EEPD1: variants seen among roughly 807,000 people sequenced by gnomAD.
EEPD1 encodes the protein endonuclease/exonuclease/phosphatase family domain containing 1, also known as endonuclease/exonuclease/phosphatase family domain-containing protein 1.
Under a neutral mutation model 46.3 loss-of-function variants are expected in EEPD1, and 17 were observed. That is an observed-to-expected ratio of 0.37 (90% CI 0.25 to 0.55). The LOEUF (loss-of-function observed/expected upper bound fraction) is 0.55. Among genes scored for constraint, EEPD1 ranks in the 20% least tolerant of loss-of-function variants. EEPD1 has a pLI of 0.83. For missense variants in EEPD1, 673 were observed against 745.6 expected (o/e 0.90, Z 1.13); for synonymous variants, 313 against 315.6 (o/e 0.99, Z 0.09).
At chr7:36,199,991 A>G (rs1333819108) in intron 2 of EEPD1, among the ~76,000 whole-genome samples, 2 of 152,082 alleles carry the variant, frequency 1.3e-5, no homozygotes, top group African/African-American at 4.8e-5. Flanking sequence ...CTTTTATTTT[A>G]GGTTCAGGGG....
At chr7:36,231,877 A>G (rs1786337420) in intron 2 of EEPD1, among the ~76,000 whole-genome samples, 1 of 152,210 alleles carries the variant, frequency 6.6e-6, no homozygotes. Context: ...ATGCTAGAAG[A>G]ATCTGATATC....
At chr7:36,199,010 A>C (rs1785663330) in intron 2 of EEPD1, among the ~76,000 whole-genome samples, 1 of 151,964 alleles carries the variant, frequency 6.6e-6, no homozygotes, top group Non-Finnish European at 1.5e-5. Flanking sequence ...TCTCTAAGGC[A>C]GAGCACCCTA....
intron 2 of EEPD1, among the ~76,000 whole-genome samples, chr7:36,215,098 G>A (rs1786006651): frequency 6.6e-6 from 1 of 152,184 alleles, no homozygotes; most frequent in Middle Eastern, 3.2e-3. Flanking sequence ...AGGGTTTCAT[G>A]CATAGCAGCT....
chr7:36,280,130 C>T (rs1787237267), intron 3 of EEPD1, among the ~76,000 whole-genome samples: 1 of 152,128 alleles, frequency 6.6e-6, no homozygotes, highest in Non-Finnish European at 1.5e-5. Flanking sequence ...AATGTGTTCC[C>T]TTTGGGACCT....
intron 2 of EEPD1, among the ~76,000 whole-genome samples, chr7:36,223,627 T>C (rs2726117): frequency 0.98 from 149,288 of 152,322 alleles, 73,233 homozygotes; most frequent in East Asian, 1. Context: ...TTAAATTATA[T>C]AAGCTTGGCC....
At chr7:36,272,815 C>T (rs79508737) in intron 3 of EEPD1, among the ~76,000 whole-genome samples, 2 of 152,136 alleles carry the variant, frequency 1.3e-5, no homozygotes, top group East Asian at 1.9e-4. Context: ...GAAGAGCCAC[C>T]CTTCAAGTGG....
chr7:36,235,527 T>G (rs757505130), intron 2 of EEPD1, among the ~76,000 whole-genome samples: 4 of 152,258 alleles, frequency 2.6e-5, no homozygotes, highest in Non-Finnish European at 5.9e-5. Context: ...GGCTCCCCTC[T>G]GCATCTCTGT....
At chr7:36,243,767 AATC>A (rs1258728880) in intron 3 of EEPD1, among the ~76,000 whole-genome samples, 1 of 152,260 alleles carries the variant, frequency 6.6e-6, no homozygotes, top group East Asian at 1.9e-4. Flanking sequence ...TGAAATTGGA[AATC>A]ATCATTCTCA....
chr7:36,272,939 C>G (rs904875112), intron 3 of EEPD1, among the ~76,000 whole-genome samples: 7 of 152,218 alleles, frequency 4.6e-5, no homozygotes, highest in Non-Finnish European at 1.0e-4. Flanking sequence ...GCATGTGGCA[C>G]GGAGTGGGCA....
In EEPD1 at chr7:36,154,230, T is replaced by G; in HGVS notation, c.-95T>G. 2 of 1,434,426 alleles carry G rather than the reference T, an allele frequency of 1.4e-6. No homozygotes were observed. Among genetic ancestry groups the G allele is most frequent in the Non-Finnish European group, 9.2e-7 (1 of 1,088,800 alleles). 88.9% of individuals were successfully genotyped at this position (1,434,426 alleles called of 1,614,324 possible). On this transcript the variant is annotated 5_prime_UTR_variant, in exon 2 of 8. Coordinates refer to ENST00000242108, the MANE Select transcript of EEPD1 (RefSeq NM_030636.3). The surrounding 1 kb of genome is among the most constrained non-coding windows in gnomAD (Gnocchi z 4.2). ...AGTCCCTGAATCCTGCACCTTCCGTTTTTCTGTGCTTGTACGGCCTACTGG... is the reference window on the plus strand; with the variant it reads ...AGTCCCTGAATCCTGCACCTTCCGTGTTTCTGTGCTTGTACGGCCTACTGG...
intron 2 of EEPD1, among the ~76,000 whole-genome samples, chr7:36,194,767 G>A (rs1343810701): frequency 6.6e-6 from 1 of 152,058 alleles, no homozygotes. Context: ...TTCTTCATTG[G>A]GCCTCCACAT....
chr7:36,195,590 G>A (rs908163829), intron 2 of EEPD1, among the ~76,000 whole-genome samples: 3 of 152,192 alleles, frequency 2.0e-5, no homozygotes, highest in Non-Finnish European at 2.9e-5. Flanking sequence ...AAGAGTTGGG[G>A]TGGGGGCTAG....
chr7:36,186,038 A>G (rs1287650418), intron 2 of EEPD1, among the ~76,000 whole-genome samples: 1 of 152,076 alleles, frequency 6.6e-6, no homozygotes, highest in Non-Finnish European at 1.5e-5. Flanking sequence ...TCTGGAACTT[A>G]TATTTCTTTC....
At chr7:36,285,366 G>A (rs1418421495) in intron 5 of EEPD1, among the ~76,000 whole-genome samples, 2 of 152,286 alleles carry the variant, frequency 1.3e-5, no homozygotes, top group South Asian at 2.1e-4. Context: ...CTCTCAAGGG[G>A]TGGTTTGGGT....
Position 36,163,259 on chromosome 7 carries a change from G to GT in EEPD1, c.878+8068dup, listed in dbSNP as rs529684202. Among the ~76,000 whole-genome samples, 893 of 142,212 alleles carry GT rather than the reference G, an allele frequency of 6.3e-3. 8 individuals carry two copies. The highest frequency in any genetic ancestry group is 0.02 in the African/African-American group (796 of 38,940). The allele number at this position is 142,212 out of a possible 152,430, so 93.3% of individuals were successfully genotyped here. A position where few individuals can be genotyped will look rare whatever the true frequency, so the allele number is the denominator to read the frequency against. ...GATTATTGTGTTGTTTTATGGGTAGGTTTTTTTTTTTCCTTTTCAAAGTGA... is the reference window on the plus strand; with the variant it reads ...GATTATTGTGTTGTTTTATGGGTAGGTTTTTTTTTTTTCCTTTTCAAAGTGA... On this transcript the variant is annotated intron_variant, in intron 2 of 7. Coordinates refer to ENST00000242108, the MANE Select transcript of EEPD1 (RefSeq NM_030636.3).
Position 36,154,328 on chromosome 7 carries a change from G to C in EEPD1, c.4G>C (p.Gly2Arg). 1 of 1,607,726 alleles carries C rather than the reference G, an allele frequency of 6.2e-7. No individual in the cohort carries two copies. The highest frequency in any genetic ancestry group is 8.5e-7 in the Non-Finnish European group (1 of 1,179,150). The change falls in exon 2 of 8, where the codon GGG becomes CGG. Residue 2 changes from glycine to arginine, a missense_variant. Gly to Arg is a moderately radical substitution (Grantham distance 125, BLOSUM62 -2). Transcript: ENST00000242108. The surrounding 1 kb of genome is among the most constrained non-coding windows in gnomAD (Gnocchi z 4.2). MGSTLGCHRSIP... is the reference protein window; with the variant it reads MRSTLGCHRSIP... ...GGGAGCCTGATCCTGGCGGACCATGGGGAGCACCCTGGGCTGCCACCGCTC... is the reference window on the plus strand; with the variant it reads ...GGGAGCCTGATCCTGGCGGACCATGCGGAGCACCCTGGGCTGCCACCGCTC...
At chr7:36,288,855 G>T (rs1490576635) in intron 6 of EEPD1, among the ~76,000 whole-genome samples, 2 of 152,062 alleles carry the variant, frequency 1.3e-5, no homozygotes, top group Non-Finnish European at 2.9e-5. Flanking sequence ...TTTACCAAAA[G>T]AAAAGGTTGA....
chr7:36,237,219 C>T (rs181187560), intron 2 of EEPD1, among the ~76,000 whole-genome samples: 6 of 152,270 alleles, frequency 3.9e-5, no homozygotes, highest in Admixed American at 3.9e-4. Context: ...TCCAAACATC[C>T]GAAGGAACAA....
chr7:36,210,885 CA>C (rs1361779415), intron 2 of EEPD1, among the ~76,000 whole-genome samples: 1 of 152,174 alleles, frequency 6.6e-6, no homozygotes, highest in Admixed American at 6.5e-5. Flanking sequence ...CTGAATTACA[CA>C]CTTTATTTAT....
Sources: allele counts gnomAD v4.1 joint callset (sites outside exome capture counted in the v4.1 genomes callset), GRCh38; gene constraint gnomAD v4.1.1; non-coding constraint Gnocchi (gnomAD v3.1); transcripts MANE v1.5; gene names NCBI Gene and HGNC (gene_info 2026-07-23, HGNC 2026-07-21).